The following ZNF407 variants were observed in gnomAD, a reference collection of about 807,000 sequenced individuals.
The protein encoded by ZNF407 is zinc finger protein 407.
ZNF407 carries 17 observed loss-of-function variants against 131.2 expected under a neutral mutation model. The ratio of observed to expected loss-of-function variants is 0.13; its 90% CI spans 0.09 to 0.19. The LOEUF is 0.19. ZNF407 is among the 10% of genes least tolerant of loss of function. The pLI is 1.00. For synonymous variants in ZNF407, 1,156 were observed against 1,062.0 expected, an observed-to-expected ratio of 1.09 and a Z score of -1.72; for missense variants, 2,681 against 2,830.6, an observed-to-expected ratio of 0.95 and a Z score of 1.20.
chr18:74,857,923 TCTCCC>T (rs377479278), intron 4 of ZNF407, among the ~76,000 whole-genome samples: 1 of 85,778 alleles, frequency 1.2e-5, no homozygotes, highest in Non-Finnish European at 2.2e-5. Context: ...CCTCCCCTCC[TCTCCC>T]CTCCCCTCCC....
chr18:74,893,876 C>A (rs1971419790), intron 7 of ZNF407, among the ~76,000 whole-genome samples: 1 of 151,572 alleles, frequency 6.6e-6, no homozygotes. Flanking sequence ...AAAATTATTC[C>A]TGTGGAGTAT....
intron 3 of ZNF407, among the ~76,000 whole-genome samples, chr18:74,728,071 T>G (rs1568185575): frequency 6.6e-6 from 1 of 152,066 alleles, no homozygotes; most frequent in Non-Finnish European, 1.5e-5. Flanking sequence ...TTGTTGTTGT[T>G]TTGGGTTTGA....
In ZNF407 at chr18:74,635,134, T is replaced by C. The variant is rs973535920; in HGVS notation, c.4115T>C (p.Ile1372Thr). 1 of 1,614,010 alleles carries C rather than the reference T, an allele frequency of 6.2e-7. No individual in the cohort carries two copies. The highest frequency in any genetic ancestry group is 1.7e-5 in the Admixed American group (1 of 60,022). The change falls in exon 2 of 9, where the codon ATA becomes ACA. Residue 1372 changes from isoleucine (I) to threonine (T), a missense_variant. Ile to Thr is a moderately conservative substitution (Grantham distance 89). Coordinates refer to ENST00000299687, the MANE Select transcript of ZNF407 (RefSeq NM_017757.3). The surrounding 1 kb of genome is among the most constrained non-coding windows in gnomAD (Gnocchi z 4.7). Reference sequence around the variant, plus strand: ...AAGAACCCTGAAGATGGTGAGTTGATAGACCAGTCTGAAGAGGGCTTGATA... The same window carrying C: ...AAGAACCCTGAAGATGGTGAGTTGACAGACCAGTCTGAAGAGGGCTTGATA... ...RIKNPEDGEL[I>T]DQSEEGLIAT...
chr18:74,977,680 G>A (rs1470004932), intron 8 of ZNF407, among the ~76,000 whole-genome samples: 2 of 152,182 alleles, frequency 1.3e-5, no homozygotes, highest in African/African-American at 2.4e-5. Context: ...CCTGTTGATC[G>A]GCCACCGAAA....
In ZNF407 at chr18:74,684,216, AAGT is replaced by A. The variant is rs1967047010; in HGVS notation, c.4802+43096_4802+43098del. Among the ~76,000 whole-genome samples the A allele has an allele frequency of 2.0e-5, 3 of 152,188 alleles. No homozygotes were observed. In the South Asian group the frequency reaches 6.2e-4, roughly 32 times the overall value. ...GGCCTCTAAATTTTTCAAAAGGAAA[AAGT>A]AAGGATTTTTTTTTTCCAGGGTAAC... On this transcript the variant is annotated intron_variant, in intron 3 of 8. Transcript: ENST00000299687.
rs901490398 is a variant in ZNF407 at position 74,633,353 on chromosome 18, A to G, written c.2334A>G (p.Val778=). ...GLSFEECIER[V]CIGANDKKEE... ...GCTTTGAAGAATGTATTGAAAGGGTATGTATAGGTGCAAATGATAAAAAAG... is the reference window on the plus strand; with the variant it reads ...GCTTTGAAGAATGTATTGAAAGGGTGTGTATAGGTGCAAATGATAAAAAAG... Residue 778 remains valine (V), a synonymous_variant, in exon 2 of 9, where the codon GTA becomes GTG. Transcript: ENST00000299687. 2.5e-6 allele frequency: 4 copies of G among 1,613,940 alleles called. No homozygotes were observed. Among genetic ancestry groups the G allele is most frequent in the Non-Finnish European group, 2.5e-6 (3 of 1,179,892 alleles).
intron 3 of ZNF407, among the ~76,000 whole-genome samples, chr18:74,730,602 G>T (rs1011709358): frequency 5.3e-5 from 8 of 152,148 alleles, no homozygotes; most frequent in African/African-American, 1.9e-4. Flanking sequence ...TCTTGGTGTT[G>T]CCCTTTAAGG....
chr18:74,623,141 T>G (rs1429634649), intron 1 of ZNF407, among the ~76,000 whole-genome samples: 1 of 85,160 alleles, frequency 1.2e-5, no homozygotes, highest in Admixed American at 1.5e-4. Context: ...TGTGTGTCCG[T>G]GTGAATGTGT....
chr18:74,679,330 A>G (rs889997346), intron 3 of ZNF407, among the ~76,000 whole-genome samples: 5 of 152,154 alleles, frequency 3.3e-5, no homozygotes. Flanking sequence ...GTGATGTCTT[A>G]CTGCATTTCA....
chr18:74,986,475 A>G (rs898172282), intron 8 of ZNF407, among the ~76,000 whole-genome samples: 11 of 152,202 alleles, frequency 7.2e-5, no homozygotes, highest in Admixed American at 2.0e-4. Flanking sequence ...TGAGTTTACA[A>G]ATTACTAGTG....
chr18:74,778,198 C>G (rs192322637), intron 3 of ZNF407, among the ~76,000 whole-genome samples: 1 of 152,254 alleles, frequency 6.6e-6, no homozygotes, highest in East Asian at 1.9e-4. Context: ...CTGGATGGGA[C>G]TGTCCTCCTC....
chr18:74,665,608 C>G (rs1985899874), intron 3 of ZNF407, among the ~76,000 whole-genome samples: 1 of 152,204 alleles, frequency 6.6e-6, no homozygotes, highest in East Asian at 1.9e-4. Flanking sequence ...TGGTAGGCAC[C>G]TTATAGTCCC....
intron 4 of ZNF407, among the ~76,000 whole-genome samples, chr18:74,835,886 T>C (rs906215827): frequency 7.2e-5 from 11 of 151,842 alleles, no homozygotes; most frequent in African/African-American, 2.7e-4. Flanking sequence ...CAGGTACGGG[T>C]ATGCTGGTTG....
intron 3 of ZNF407, among the ~76,000 whole-genome samples, chr18:74,729,605 T>C (rs1002658386): frequency 6.6e-6 from 1 of 152,126 alleles, no homozygotes; most frequent in Admixed American, 6.5e-5. Flanking sequence ...ATATGCTGTG[T>C]TCTGTAGGGT....
chr18:74,948,481 A>C (rs1260385005), intron 8 of ZNF407, among the ~76,000 whole-genome samples: 1 of 152,216 alleles, frequency 6.6e-6, no homozygotes, highest in African/African-American at 2.4e-5. Flanking sequence ...CATAGACATC[A>C]GCTTTGCAGT....
intron 7 of ZNF407, among the ~76,000 whole-genome samples, chr18:74,913,151 T>C (rs1254814680): frequency 6.6e-6 from 1 of 152,212 alleles, no homozygotes; most frequent in Non-Finnish European, 1.5e-5. Context: ...AAGGGCAGTA[T>C]GGCAGAATTT....
intron 1 of ZNF407, among the ~76,000 whole-genome samples, chr18:74,629,378 T>C (rs1174984937): frequency 6.6e-5 from 10 of 152,240 alleles, no homozygotes. Flanking sequence ...TATTCTGTGC[T>C]CATTTTAAAT....
intron 8 of ZNF407, among the ~76,000 whole-genome samples, chr18:75,014,570 T>C (rs1599294453): frequency 6.6e-6 from 1 of 152,148 alleles, no homozygotes; most frequent in South Asian, 2.1e-4. Context: ...GTTTTTCTAA[T>C]CTTGTCACCC....
At chr18:74,886,677 A>G (rs760904447) in intron 6 of ZNF407, among the ~76,000 whole-genome samples, 1 of 152,224 alleles carries the variant, frequency 6.6e-6, no homozygotes, top group Non-Finnish European at 1.5e-5. Flanking sequence ...ATCTAGGTGT[A>G]TAAATTGCTA....
Sources: gnomAD v4.1 joint callset for allele counts (sites outside exome capture counted in the v4.1 genomes callset) on GRCh38, gnomAD v4.1.1 for gene constraint, Gnocchi (gnomAD v3.1) non-coding constraint, MANE v1.5 for transcripts, NCBI Gene and HGNC (gene_info 2026-07-23, HGNC 2026-07-21) for gene names.